The following ABCA13 variants were observed in gnomAD, a reference collection of about 807,000 sequenced individuals.
The protein encoded by ABCA13 is ATP-binding cassette sub-family A member 13.
A neutral mutation model predicts 478.7 loss-of-function variants in ABCA13; 476 were observed. The observed-to-expected ratio is 0.99, with a 90% confidence interval of 0.92 to 1.07. The LOEUF (loss-of-function observed/expected upper bound fraction) is 1.07, where lower values mean the gene tolerates loss of function less well. Among genes scored for constraint, ABCA13 ranks in the 50% least tolerant of loss-of-function variants. ABCA13 has a pLI of 0.00. For synonymous variants in ABCA13, 2,252 were observed against 2,158.9 expected, an observed-to-expected ratio of 1.04 and a Z score of -1.20; for missense variants, 6,060 against 5,910.6, an observed-to-expected ratio of 1.03 and a Z score of -0.83.
intron 34 of ABCA13, among the ~76,000 whole-genome samples, chr7:48,375,667 T>G (rs1813364106): frequency 6.6e-6 from 1 of 152,138 alleles, no homozygotes; most frequent in Non-Finnish European, 1.5e-5. Flanking sequence ...AAGTAAAATT[T>G]GACTCTAGCT....
chr7:48,484,980 C>G (rs1022440009), intron 47 of ABCA13, among the ~76,000 whole-genome samples: 1 of 152,200 alleles, frequency 6.6e-6, no homozygotes, highest in South Asian at 2.1e-4. Flanking sequence ...TTTCATAGTC[C>G]TTCTGAAGGA....
At chr7:48,567,190 T>G (rs1368230244) in intron 55 of ABCA13, among the ~76,000 whole-genome samples, 2 of 152,168 alleles carry the variant, frequency 1.3e-5, no homozygotes, top group African/African-American at 4.8e-5. Flanking sequence ...GCAGCTGTCA[T>G]TGAACTGGAT....
Position 48,204,402 on chromosome 7 carries a change from G to T in ABCA13, c.287+6042G>T, listed in dbSNP as rs546110622. On this transcript the variant is annotated intron_variant, in intron 3 of 61. Transcript: ENST00000435803. The stretch of plus-strand genomic sequence containing the variant: ...TTTTTTGTATTTTTAGTAAAGAGGG[G>T]GTTTCACCATGTTGGCCAGGCTGGT... Among the ~76,000 whole-genome samples the T allele has an allele frequency of 1.2e-4, 18 of 151,934 alleles. No individual in the cohort carries two copies. The South Asian group carries it at 3.9e-3, about 33-fold the overall frequency.
chr7:48,528,352 T>C lies in ABCA13; in HGVS notation c.14354+7T>C, dbSNP rs199624665. On this transcript the variant is annotated splice_region_variant and intron_variant, in intron 55 of 61. Transcript: ENST00000435803. ...TCATCAGGACTCCCATGGGGTAAGA[T>C]ACAGATTTCATCATTTTTGTTGCTT... 1.3e-5 allele frequency: 20 copies of C among 1,522,950 alleles called. No individual in the cohort carries two copies. The African/African-American group carries it at 2.5e-4, about 19-fold the overall frequency. 94.3% of individuals were successfully genotyped at this position (1,522,950 alleles called of 1,614,324 possible). A position where few individuals can be genotyped will look rare whatever the true frequency, so the allele number is the denominator to read the frequency against.
intron 29 of ABCA13, 77 bp downstream of exon 29, chr7:48,338,532 C>T (rs1806632137): frequency 1.8e-6 from 2 of 1,089,910 alleles, no homozygotes; most frequent in South Asian, 1.9e-5. Flanking sequence ...CCCCCTTGGG[C>T]CATGGCATTG....
chr7:48,452,248 A>G (rs1825135558), intron 42 of ABCA13, among the ~76,000 whole-genome samples: 1 of 152,186 alleles, frequency 6.6e-6, no homozygotes, highest in Admixed American at 6.5e-5. Flanking sequence ...AATAATTCTC[A>G]TTACATAGAG....
chr7:48,575,059 A>G (rs969960756), intron 55 of ABCA13, among the ~76,000 whole-genome samples: 6 of 150,328 alleles, frequency 4.0e-5, no homozygotes, highest in Admixed American at 1.3e-4. Context: ...TCCAGTAGAC[A>G]TTTTTTTTTT....
intron 55 of ABCA13, among the ~76,000 whole-genome samples, chr7:48,573,803 C>T (rs1787905530): frequency 6.6e-6 from 1 of 152,066 alleles, no homozygotes; most frequent in Non-Finnish European, 1.5e-5. Flanking sequence ...TTTATTCTCT[C>T]ATGGTTCTAG....
intron 49 of ABCA13, among the ~76,000 whole-genome samples, chr7:48,506,655 G>T (rs939932288): frequency 2.0e-5 from 3 of 152,214 alleles, no homozygotes; most frequent in African/African-American, 7.2e-5. Context: ...CTAAGGGAAT[G>T]ATTTACCAGA....
At position 48,313,200 on chromosome 7, in the gene ABCA13, C is replaced by T. The variant is rs370572603; in HGVS notation, c.9650C>T (p.Thr3217Ile). 23 of 1,612,252 alleles carry T rather than the reference C, an allele frequency of 1.4e-5. No individual in the cohort carries two copies. Among genetic ancestry groups the T allele is most frequent in the Non-Finnish European group, 1.9e-5 (22 of 1,179,076 alleles). Residue 3217 changes from threonine to isoleucine, a missense_variant, in exon 25 of 62, where the codon ACT becomes ATT. Coordinates refer to ENST00000435803, the MANE Select transcript of ABCA13 (RefSeq NM_152701.5). ...LPEFLHTFKI[T>I]ALLETLDFQQ... Reference sequence around the variant, plus strand: ...GAGTTTCTTCACACATTTAAAATCACTGCCTTGCTAGAAACCCTGGACTTT... The same window carrying T: ...GAGTTTCTTCACACATTTAAAATCATTGCCTTGCTAGAAACCCTGGACTTT...
chr7:48,466,894 A>G (rs1468088881), intron 43 of ABCA13, 62 bp from the exon 44 acceptor site: 4 of 1,530,220 alleles, frequency 2.6e-6, no homozygotes, highest in East Asian at 4.5e-5. Flanking sequence ...CTGGTTCTCC[A>G]TTCTCTGTTG....
intron 3 of ABCA13, among the ~76,000 whole-genome samples, chr7:48,207,093 C>T (rs1349108134): frequency 6.6e-6 from 1 of 152,076 alleles, no homozygotes; most frequent in East Asian, 1.9e-4. Context: ...GGCTTATTTC[C>T]CTTAACATAA....
Position 48,507,915 on chromosome 7 carries a change from C to T in ABCA13, c.13390C>T (p.Leu4464=). Residue 4464 remains leucine, a synonymous_variant, in exon 50 of 62, where the codon CTG becomes TTG. Coordinates refer to ENST00000435803, the MANE Select transcript of ABCA13 (RefSeq NM_152701.5). ...RQCGVALCIV[L]GFSILSASIG... is the part of the protein sequence containing the mutation. ...GTGTGGAGTGGCCCTCTGCATCGTG[C>T]TGGGATTCTCCATCCTGTCTGCATC... 6.2e-7 allele frequency: 1 copy of T among 1,612,896 alleles called. No homozygotes were observed.
chr7:48,265,533 A>T (rs1050248735), intron 15 of ABCA13, among the ~76,000 whole-genome samples: 3 of 151,470 alleles, frequency 2.0e-5, no homozygotes, highest in Non-Finnish European at 3.0e-5. Context: ...AATACTTTAA[A>T]TGCTTTTGTA....
chr7:48,397,121 G>A (rs1383216155), intron 38 of ABCA13, among the ~76,000 whole-genome samples: 1 of 152,150 alleles, frequency 6.6e-6, no homozygotes, highest in Non-Finnish European at 1.5e-5. Context: ...GCCCTGCTGG[G>A]AGTTTGCTGA....
At chr7:48,610,000 T>TG (rs1457415480) in intron 58 of ABCA13, among the ~76,000 whole-genome samples, 1 of 152,200 alleles carries the variant, frequency 6.6e-6, no homozygotes, top group African/African-American at 2.4e-5. Flanking sequence ...CCATATCTCA[T>TG]GTTTTTCTCA....
intron 24 of ABCA13, among the ~76,000 whole-genome samples, chr7:48,311,270 A>C (rs1410455704): frequency 6.6e-6 from 1 of 152,062 alleles, no homozygotes; most frequent in Non-Finnish European, 1.5e-5. Context: ...ACACACACCC[A>C]CACACACACA....
intron 58 of ABCA13, among the ~76,000 whole-genome samples, chr7:48,613,481 C>T (rs765883828): frequency 2.8e-4 from 43 of 152,166 alleles, no homozygotes; most frequent in Non-Finnish European, 4.7e-4. Flanking sequence ...TGAGCCACCA[C>T]GCCTGGCTGG....
At chr7:48,521,939 A>G (rs1366090861) in intron 53 of ABCA13, among the ~76,000 whole-genome samples, 3 of 144,938 alleles carry the variant, frequency 2.1e-5, no homozygotes, top group Non-Finnish European at 4.5e-5. Context: ...CTAAGCCACT[A>G]ATCATTGTTT....
Sources: allele counts gnomAD v4.1 joint callset (sites outside exome capture counted in the v4.1 genomes callset), GRCh38; gene constraint gnomAD v4.1.1; transcripts MANE v1.5; gene names NCBI Gene and HGNC (gene_info 2026-07-23, HGNC 2026-07-21).